HPGDS: variants seen among roughly 807,000 people sequenced by gnomAD.
HPGDS encodes the protein hematopoietic prostaglandin D synthase.
HPGDS carries 26 observed loss-of-function variants against 23.1 expected under a neutral mutation model. That is an observed-to-expected ratio of 1.13 (90% CI 0.83 to 1.56). HPGDS has a LOEUF of 1.56. Among genes scored for constraint, HPGDS ranks in the 40% most tolerant of loss-of-function variants. The pLI, the probability that HPGDS is intolerant of heterozygous loss-of-function variation, is 0.00. For synonymous variants in HPGDS, 95 were observed against 77.9 expected, an observed-to-expected ratio of 1.22 and a Z score of -1.16; for missense variants, 268 against 236.4, an observed-to-expected ratio of 1.13 and a Z score of -0.88.
intron 3 of HPGDS, among the ~76,000 whole-genome samples, chr4:94,315,839 A>T (rs1002806766): frequency 6.6e-6 from 1 of 152,194 alleles, no homozygotes; most frequent in African/African-American, 2.4e-5. Context: ...TTTCATCCCT[A>T]CTTTGACTTC....
intron 3 of HPGDS, among the ~76,000 whole-genome samples, chr4:94,317,253 A>T (rs939728337): frequency 2.6e-5 from 4 of 152,154 alleles, no homozygotes; most frequent in Non-Finnish European, 5.9e-5. Flanking sequence ...GTGTGAGAAT[A>T]GTTTGAGGGA....
chr4:94,335,760 T>C (rs573781996), intron 1 of HPGDS, among the ~76,000 whole-genome samples: 2 of 152,300 alleles, frequency 1.3e-5, no homozygotes, highest in East Asian at 1.9e-4. Flanking sequence ...GGTAACTAAA[T>C]GAATAAAAGC....
chr4:94,332,059 G>A (rs1313571694), intron 2 of HPGDS, among the ~76,000 whole-genome samples: 1 of 151,986 alleles, frequency 6.6e-6, no homozygotes, highest in Non-Finnish European at 1.5e-5. Context: ...CCCCACAATC[G>A]TGTGCCTATA....
At chr4:94,325,711 G>C (rs113951243) in intron 2 of HPGDS, among the ~76,000 whole-genome samples, 1,592 of 152,302 alleles carry the variant, frequency 0.01, 20 homozygotes, top group African/African-American at 0.035. Context: ...GGCTAGGAAA[G>C]GGAAATCCCT....
Position 94,302,264 on chromosome 4 carries a change from T to C in HPGDS, c.337-20A>G. 6.5e-7 allele frequency: 1 copy of C among 1,531,502 alleles called. No individual in the cohort carries two copies. The allele number at this position is 1,531,502 out of a possible 1,614,324, so 94.9% of individuals were successfully genotyped here. On this transcript the variant is annotated intron_variant, in intron 4 of 5. Coordinates refer to ENST00000295256, the MANE Select transcript of HPGDS (RefSeq NM_014485.3). Reference sequence around the variant, plus strand: ...CTGCTCCTAGGAGAAGGAGAAAATATCACTTTAAGAATAATGAGAAGAAAA... The same window carrying C: ...CTGCTCCTAGGAGAAGGAGAAAATACCACTTTAAGAATAATGAGAAGAAAA...
rs773320434 is a variant in HPGDS at position 94,299,369 on chromosome 4, T to C, written c.*111A>G. 321 of 866,122 alleles carry C rather than the reference T, an allele frequency of 3.7e-4. 1 individual carries two copies. The highest frequency in any genetic ancestry group is 1.3e-3 in the Admixed American group (50 of 37,220). 53.7% of individuals were successfully genotyped at this position (866,122 alleles called of 1,614,324 possible). Reference sequence around the variant, plus strand: ...CAGAATATGGCTAAAGTGAAAATCTTAGTGGAGCTGGGGAGGGAGCATGTG... The same window carrying C: ...CAGAATATGGCTAAAGTGAAAATCTCAGTGGAGCTGGGGAGGGAGCATGTG... On this transcript the variant is annotated 3_prime_UTR_variant, in exon 6 of 6. Coordinates refer to ENST00000295256, the MANE Select transcript of HPGDS (RefSeq NM_014485.3).
chr4:94,315,370 C>A (rs1756375633), intron 3 of HPGDS, among the ~76,000 whole-genome samples: 1 of 152,172 alleles, frequency 6.6e-6, no homozygotes, highest in Non-Finnish European at 1.5e-5. Context: ...CAATAAATAA[C>A]CTGTACCTAT....
chr4:94,300,585 T>C (rs1248414204), intron 5 of HPGDS, among the ~76,000 whole-genome samples: 1 of 152,152 alleles, frequency 6.6e-6, no homozygotes, highest in Non-Finnish European at 1.5e-5. Context: ...AATCCAGAAT[T>C]TATTCAAATA....
At chr4:94,311,596 T>C (rs1187031379) in intron 3 of HPGDS, among the ~76,000 whole-genome samples, 1 of 151,306 alleles carries the variant, frequency 6.6e-6, no homozygotes, top group African/African-American at 2.5e-5. Context: ...GGTCTAAACT[T>C]CTCTTTTTTT....
chr4:94,341,656 C>T (rs925536153), intron 1 of HPGDS, among the ~76,000 whole-genome samples: 14 of 152,304 alleles, frequency 9.2e-5, no homozygotes, highest in Admixed American at 4.6e-4. Context: ...CAGTTTTTTA[C>T]ATGCTTAGTA....
At chr4:94,342,139 A>ATTTT (rs535659161) in intron 1 of HPGDS, among the ~76,000 whole-genome samples, 1 of 144,856 alleles carries the variant, frequency 6.9e-6, no homozygotes. Context: ...TGAAAGCTCT[A>ATTTT]TTTTTTTTTT....
At chr4:94,321,110 C>T (rs1756498461) in intron 2 of HPGDS, among the ~76,000 whole-genome samples, 1 of 152,088 alleles carries the variant, frequency 6.6e-6, no homozygotes, top group South Asian at 2.1e-4. Context: ...CTGTTCTGTT[C>T]CATTGGTCTA....
At chr4:94,330,061 T>C (rs530762426) in intron 2 of HPGDS, among the ~76,000 whole-genome samples, 299 of 152,332 alleles carry the variant, frequency 2.0e-3, no homozygotes, top group Non-Finnish European at 3.6e-3. Context: ...ACACCTTAAA[T>C]GGCAGATGTA....
chr4:94,321,017 G>A (rs1756496872), intron 2 of HPGDS, among the ~76,000 whole-genome samples: 1 of 152,150 alleles, frequency 6.6e-6, no homozygotes, highest in Admixed American at 6.5e-5. Flanking sequence ...TATTAAATAG[G>A]GAATCCTTCC....
intron 3 of HPGDS, among the ~76,000 whole-genome samples, chr4:94,309,313 T>C: frequency 6.9e-6 from 1 of 145,744 alleles, no homozygotes; most frequent in East Asian, 2.1e-4. Context: ...ATGTTCCCCT[T>C]CCTGTGTCCA....
rs869240610 is a variant in HPGDS at position 94,340,311 on chromosome 4, C to CTTTTTTTTTTTTTTTT, written c.-10+2468_-10+2483dup. 2.5e-4 allele frequency among the ~76,000 whole-genome samples: 6 copies of CTTTTTTTTTTTTTTTT among 23,686 alleles called. 1 individual carries two copies. The highest frequency in any genetic ancestry group is 4.4e-4 in the African/African-American group (3 of 6,862). The allele number at this position is 23,686 out of a possible 152,430, so 15.5% of individuals were successfully genotyped here. A position where few individuals can be genotyped will look rare whatever the true frequency, so the allele number is the denominator to read the frequency against. On this transcript the variant is annotated intron_variant, in intron 1 of 5. Transcript: ENST00000295256. ...TTTCTTTCTTTCTTTCTTTCTTTCT[C>CTTTTTTTTTTTTTTTT]TTTTTTTTTTTTTTTTTTTTTTTTT...
intron 2 of HPGDS, among the ~76,000 whole-genome samples, chr4:94,320,310 A>G (rs1756477601): frequency 6.6e-6 from 1 of 152,102 alleles, no homozygotes; most frequent in Non-Finnish European, 1.5e-5. Context: ...TGGTATTTCT[A>G]TATCTAGATC....
At chr4:94,342,609 T>C (rs1299532547) in intron 1 of HPGDS, among the ~76,000 whole-genome samples, 186 bp downstream of exon 1, 1 of 152,190 alleles carries the variant, frequency 6.6e-6, no homozygotes, top group African/African-American at 2.4e-5. Flanking sequence ...AAATGACTAT[T>C]TGAGTTTCAC....
chr4:94,337,955 T>C (rs1721058197), intron 1 of HPGDS, among the ~76,000 whole-genome samples: 1 of 152,254 alleles, frequency 6.6e-6, no homozygotes, highest in Non-Finnish European at 1.5e-5. Context: ...CAATAGCAGC[T>C]AACAAATGCT....
Sources: allele counts gnomAD v4.1 joint callset (sites outside exome capture counted in the v4.1 genomes callset), GRCh38; gene constraint gnomAD v4.1.1; transcripts MANE v1.5; gene names NCBI Gene and HGNC (gene_info 2026-07-23, HGNC 2026-07-21).